LTF: variants seen among roughly 807,000 people sequenced by gnomAD.
The protein encoded by LTF is lactotransferrin.
LTF carries 91 observed loss-of-function variants against 87.2 expected under a neutral mutation model. The ratio of observed to expected loss-of-function variants is 1.04; its 90% CI spans 0.88 to 1.24. The LOEUF (loss-of-function observed/expected upper bound fraction) is 1.24, where lower values mean the gene tolerates loss of function less well. Ranked by LOEUF, LTF falls within the 50% of genes most tolerant of loss-of-function variation. The pLI is 0.00. For synonymous variants in LTF, 378 were observed against 356.1 expected, an observed-to-expected ratio of 1.06 and a Z score of -0.69; for missense variants, 901 against 904.3, an observed-to-expected ratio of 1.00 and a Z score of 0.05.
chr3:46,476,754 T>C (rs999241347), intron 1 of LTF, among the ~76,000 whole-genome samples: 62 of 152,244 alleles, frequency 4.1e-4, no homozygotes, highest in African/African-American at 1.4e-3. Flanking sequence ...ACACAATGTA[T>C]TCATTATGAC....
At chr3:46,460,890 A>G (rs1045377979) in intron 1 of LTF, among the ~76,000 whole-genome samples, 6 of 152,374 alleles carry the variant, frequency 3.9e-5, no homozygotes, top group Middle Eastern at 3.4e-3. Flanking sequence ...ATCAATATAC[A>G]AAAATTGATC....
chr3:46,480,985 C>T (rs528354854), intron 1 of LTF, among the ~76,000 whole-genome samples: 1 of 152,184 alleles, frequency 6.6e-6, no homozygotes, highest in Non-Finnish European at 1.5e-5. Flanking sequence ...GTGCCCCAGC[C>T]TCCACCCTCC....
In LTF at chr3:46,454,456, C is replaced by G; in HGVS notation, c.648-96G>C. ...CCTGGCACTCAGCATCTATGGGTTT[C>G]TACTCCCTGCAGGGCAGGGCTCTGA... On this transcript the variant is annotated intron_variant, in intron 5 of 16. Transcript: ENST00000231751. The G allele has an allele frequency of 1.8e-6, 2 of 1,082,642 alleles. 1 individual carries two copies. The highest frequency in any genetic ancestry group is 2.5e-5 in the South Asian group (2 of 80,090). The allele number at this position is 1,082,642 out of a possible 1,614,324, so 67.1% of individuals were successfully genotyped here. A position where few individuals can be genotyped will look rare whatever the true frequency, so the allele number is the denominator to read the frequency against.
rs573693534 is a variant in LTF, at chr3:46,456,353, C to T, written c.253G>A (p.Glu85Lys). 8 of 1,614,162 alleles carry T rather than the reference C, an allele frequency of 5.0e-6. No individual in the cohort carries two copies. Among genetic ancestry groups the T allele is most frequent in the African/African-American group, 1.3e-5 (1 of 75,022 alleles). The change falls in exon 3 of 17, where the codon GAG becomes AAG. Residue 85 changes from glutamate (E) to lysine (K), a missense_variant. By Grantham distance (56) the Glu-to-Lys change is moderately conservative. Transcript: ENST00000231751. ...AGTTTGTAGGGGGCCAGGCCTGCCTCGTATATGAAACCACCATCAAGGGTC... is the reference window on the plus strand; with the variant it reads ...AGTTTGTAGGGGGCCAGGCCTGCCTTGTATATGAAACCACCATCAAGGGTC... ...AVTLDGGFIYEAGLAPYKLRP... is the reference protein window; with the variant it reads ...AVTLDGGFIYKAGLAPYKLRP...
intron 9 of LTF, among the ~76,000 whole-genome samples, 154 bp from the exon 10 acceptor site, chr3:46,447,552 C>T (rs185549215): frequency 4.6e-5 from 7 of 152,324 alleles, no homozygotes; most frequent in Admixed American, 1.3e-4. Flanking sequence ...GAGGAAACAC[C>T]GTGTGCACCA....
chr3:46,446,691 C>G lies in LTF; in HGVS notation c.1304-198G>C, dbSNP rs549654887. 4.6e-5 allele frequency among the ~76,000 whole-genome samples: 7 copies of G among 152,338 alleles called. No individual in the cohort carries two copies. In the East Asian group the frequency reaches 1.3e-3, roughly 29 times the overall value. On this transcript the variant is annotated intron_variant, in intron 10 of 16. Coordinates refer to ENST00000231751, the MANE Select transcript of LTF (RefSeq NM_002343.6). ...CTGCATTATTCACCACAGCCACCAA[C>G]TGGAAACTACTCAAATGCCCATCCA...
At chr3:46,452,481 T>C (rs1575315505) in intron 6 of LTF, among the ~76,000 whole-genome samples, 1 of 152,278 alleles carries the variant, frequency 6.6e-6, no homozygotes, top group Non-Finnish European at 1.5e-5. Flanking sequence ...AATTAAAGTA[T>C]GATTTTTTCC....
chr3:46,450,363 GC>G, intron 7 of LTF, 131 bp downstream of exon 7: 1 of 949,068 alleles, frequency 1.1e-6, no homozygotes, highest in East Asian at 2.6e-5. Flanking sequence ...TGGGCAAGCA[GC>G]CCAATGCATT....
intron 3 of LTF, 34 bp downstream of exon 3, chr3:46,456,256 C>T: frequency 6.4e-7 from 1 of 1,565,984 alleles, no homozygotes; most frequent in Non-Finnish European, 8.8e-7. Context: ...AGGCTGAGGC[C>T]ACCGTGGCCT....
intron 9 of LTF, among the ~76,000 whole-genome samples, chr3:46,448,526 G>A (rs1482955469): frequency 6.6e-6 from 1 of 152,222 alleles, no homozygotes; most frequent in Non-Finnish European, 1.5e-5. Flanking sequence ...CTGGAATGGA[G>A]AATTAGCCAG....
chr3:46,462,964 G>A (rs1703122200), intron 1 of LTF, among the ~76,000 whole-genome samples: 1 of 152,142 alleles, frequency 6.6e-6, no homozygotes, highest in South Asian at 2.1e-4. Flanking sequence ...AGCTGAACCA[G>A]AGTGACTAAA....
In LTF at chr3:46,459,679, T is replaced by C; in HGVS notation, c.184A>G (p.Ile62Val). Residue 62 changes from isoleucine to valine, a missense_variant, in exon 2 of 17, where the codon ATC (isoleucine) becomes GTC (valine). Physicochemically the swap from Ile to Val is conservative, Grantham distance 29 (BLOSUM62 3). Coordinates refer to ENST00000231751, the MANE Select transcript of LTF (RefSeq NM_002343.6). ...PVSCIKRDSP[I>V]QCIQAIAENR... ...ACCGCAATGGCCTGGATACACTGGA[T>C]GGGGGAGTCTCTCTTTATGCAGCTG... The C allele has an allele frequency of 2.6e-6, 4 of 1,550,234 alleles. No individual in the cohort carries two copies. The highest frequency in any genetic ancestry group is 3.5e-6 in the Non-Finnish European group (4 of 1,151,602).
chr3:46,440,368 C>G (rs1445291275), intron 14 of LTF, among the ~76,000 whole-genome samples: 1 of 152,138 alleles, frequency 6.6e-6, no homozygotes, highest in Non-Finnish European at 1.5e-5. Flanking sequence ...ATAGGTTTAT[C>G]AAATATATAC....
At chr3:46,458,110 A>G (rs960874963) in intron 2 of LTF, among the ~76,000 whole-genome samples, 4 of 152,154 alleles carry the variant, frequency 2.6e-5, no homozygotes, top group Admixed American at 2.6e-4. Flanking sequence ...TAGAGTGTAA[A>G]TAGTAATCAT....
chr3:46,437,058 G>A (rs1702402358), intron 16 of LTF, among the ~76,000 whole-genome samples: 1 of 152,164 alleles, frequency 6.6e-6, no homozygotes, highest in Non-Finnish European at 1.5e-5. Context: ...TGGACCAACA[G>A]CATCCCTAAT....
At chr3:46,452,079 G>A (rs1017906371) in intron 6 of LTF, among the ~76,000 whole-genome samples, 8 of 152,002 alleles carry the variant, frequency 5.3e-5, no homozygotes, top group Non-Finnish European at 1.2e-4. Flanking sequence ...ACACTGGAAG[G>A]AAAAAGACAC....
In LTF at chr3:46,463,386, G is replaced by A. The variant is rs907240273; in HGVS notation, c.43+1439C>T. 4.9e-5 allele frequency: 43 copies of A among 882,648 alleles called. No individual in the cohort carries two copies. In the South Asian group the frequency reaches 1.7e-3, roughly 35 times the overall value. The allele number at this position is 882,648 out of a possible 1,614,324, so 54.7% of individuals were successfully genotyped here. A position where few individuals can be genotyped will look rare whatever the true frequency, so the allele number is the denominator to read the frequency against. On this transcript the variant is annotated intron_variant, in intron 1 of 16. Transcript: ENST00000231751. ...TCCCAGCCCATGGCTCCAGGGCTAA[G>A]CAGACAGACTCCTCCACCCAATGCT... is the stretch of plus-strand genomic sequence containing the variant.
intron 1 of LTF, among the ~76,000 whole-genome samples, chr3:46,471,461 C>A (rs1391666757): frequency 6.6e-6 from 1 of 152,222 alleles, no homozygotes; most frequent in African/African-American, 2.4e-5. Context: ...GTCCCTGCAC[C>A]CATGCCTTCA....
At chr3:46,454,770 G>T (rs1020569276) in intron 5 of LTF, among the ~76,000 whole-genome samples, 3 of 152,158 alleles carry the variant, frequency 2.0e-5, no homozygotes, top group African/African-American at 4.8e-5. Context: ...CAGACAGAAT[G>T]GGAAAAGGGG....
Sources: gnomAD v4.1 joint callset for allele counts (sites outside exome capture counted in the v4.1 genomes callset) on GRCh38, gnomAD v4.1.1 for gene constraint, MANE v1.5 for transcripts, NCBI Gene and HGNC (gene_info 2026-07-23, HGNC 2026-07-21) for gene names.